Variants in PITPNC1 observed in about 807,000 individuals in gnomAD.
PITPNC1 encodes cytoplasmic phosphatidylinositol transfer protein 1.
PITPNC1 carries 18 observed loss-of-function variants against 44.7 expected under a neutral mutation model. That is an observed-to-expected ratio of 0.40 (90% CI 0.28 to 0.60). PITPNC1 has a LOEUF of 0.60. PITPNC1 is among the 20% of genes least tolerant of loss of function. The pLI is 0.39. For synonymous variants in PITPNC1, 141 were observed against 149.6 expected (o/e 0.94, Z 0.42); for missense variants, 290 against 418.4 (o/e 0.69, Z 2.68).
intron 8 of PITPNC1, among the ~76,000 whole-genome samples, chr17:67,684,618 A>C (rs1225312081): frequency 6.6e-6 from 1 of 152,094 alleles, no homozygotes; most frequent in Non-Finnish European, 1.5e-5. Flanking sequence ...TTTTCTGACT[A>C]AATTGATTTC....
intron 5 of PITPNC1, among the ~76,000 whole-genome samples, chr17:67,621,818 CA>C (rs1369660724): frequency 6.6e-6 from 1 of 152,012 alleles, no homozygotes; most frequent in South Asian, 2.1e-4. Flanking sequence ...GAATAGAGAC[CA>C]AAAATGGTTC....
intron 2 of PITPNC1, among the ~76,000 whole-genome samples, chr17:67,549,241 G>A (rs2040725231): frequency 6.6e-6 from 1 of 152,114 alleles, no homozygotes; most frequent in Non-Finnish European, 1.5e-5. Flanking sequence ...ATCACCTGAG[G>A]TCAGGAGTTC....
chr17:67,669,568 G>C lies in PITPNC1; in HGVS notation c.523G>C (p.Asp175His). The C allele has an allele frequency of 6.2e-7, 1 of 1,608,234 alleles. No homozygotes were observed. Among genetic ancestry groups the C allele is most frequent in the Middle Eastern group, 1.7e-4 (1 of 6,016 alleles). ...GRGQLREGWRDSHQPIMCSYK... is the reference protein window; with the variant it reads ...GRGQLREGWRHSHQPIMCSYK... Reference sequence around the variant, plus strand: ...GGGACAGTTGAGGGAAGGCTGGAGAGATAGTCATCAGCCTATCATGTGCTC... The same window carrying C: ...GGGACAGTTGAGGGAAGGCTGGAGACATAGTCATCAGCCTATCATGTGCTC... The change falls in exon 7 of 9, where the codon GAT becomes CAT. Residue 175 changes from aspartate (D) to histidine (H), a missense_variant. Transcript: ENST00000581322.
At chr17:67,521,934 C>A (rs1018820302) in intron 1 of PITPNC1, among the ~76,000 whole-genome samples, 6 of 152,102 alleles carry the variant, frequency 3.9e-5, no homozygotes, top group African/African-American at 1.4e-4. Context: ...TCTTTGTCTG[C>A]AACATTGGGC....
chr17:67,407,595 G>T (rs897567098), intron 1 of PITPNC1, among the ~76,000 whole-genome samples: 3 of 152,054 alleles, frequency 2.0e-5, no homozygotes, highest in Non-Finnish European at 4.4e-5. Flanking sequence ...CTGAGGTCAG[G>T]AGTTTGAGAC....
intron 4 of PITPNC1, among the ~76,000 whole-genome samples, chr17:67,575,411 C>T (rs1307701497): frequency 6.6e-6 from 1 of 152,194 alleles, no homozygotes; most frequent in Non-Finnish European, 1.5e-5. Flanking sequence ...GGGCCTTGTT[C>T]TCCATAAAGG....
chr17:67,435,673 G>A (rs1331404723), intron 1 of PITPNC1, among the ~76,000 whole-genome samples: 1 of 152,182 alleles, frequency 6.6e-6, no homozygotes, highest in African/African-American at 2.4e-5. Flanking sequence ...CCAACATGGT[G>A]AAACCCCATC....
chr17:67,689,031 C>T (rs1014567468), intron 8 of PITPNC1, among the ~76,000 whole-genome samples: 16 of 152,058 alleles, frequency 1.1e-4, no homozygotes, highest in Non-Finnish European at 2.1e-4. Flanking sequence ...GAAGAAACCC[C>T]GTCTCTACTA....
chr17:67,510,017 G>A (rs1250417408), intron 1 of PITPNC1, among the ~76,000 whole-genome samples: 2 of 152,230 alleles, frequency 1.3e-5, no homozygotes, highest in Non-Finnish European at 2.9e-5. Flanking sequence ...TTATGCAGAG[G>A]TTTGGGAATT....
At chr17:67,407,063 G>C (rs1184296494) in intron 1 of PITPNC1, among the ~76,000 whole-genome samples, 1 of 152,216 alleles carries the variant, frequency 6.6e-6, no homozygotes, top group Non-Finnish European at 1.5e-5. Context: ...GTAATTTTAT[G>C]TTTAGGTTTT....
intron 1 of PITPNC1, among the ~76,000 whole-genome samples, chr17:67,412,353 T>G (rs1460736261): frequency 6.6e-6 from 1 of 152,144 alleles, no homozygotes; most frequent in Non-Finnish European, 1.5e-5. Flanking sequence ...AACTAGGTGC[T>G]GATGGCACAA....
intron 5 of PITPNC1, among the ~76,000 whole-genome samples, chr17:67,607,983 G>T (rs912142251): frequency 9.2e-5 from 14 of 151,896 alleles, no homozygotes; most frequent in Non-Finnish European, 1.8e-4. Context: ...ACCCACCTCG[G>T]CCTCCCAAAT....
intron 1 of PITPNC1, among the ~76,000 whole-genome samples, chr17:67,383,261 T>A (rs2037991447): frequency 6.6e-6 from 1 of 152,174 alleles, no homozygotes; most frequent in Non-Finnish European, 1.5e-5. Context: ...CATTTTATAA[T>A]GAAGTCTAGA....
At chr17:67,616,468 C>G (rs1259035275) in intron 5 of PITPNC1, among the ~76,000 whole-genome samples, 2 of 152,146 alleles carry the variant, frequency 1.3e-5, no homozygotes, top group Non-Finnish European at 2.9e-5. Context: ...TTACCATGAT[C>G]TAGGGCACCT....
chr17:67,524,665 A>G (rs1199596407), intron 1 of PITPNC1: 3 of 151,826 alleles, frequency 2.0e-5, no homozygotes, highest in Non-Finnish European at 2.9e-5. Context: ...GCAGTACTTG[A>G]TCTTTATTTA....
chr17:67,634,640 T>C (rs1046110932), intron 6 of PITPNC1, among the ~76,000 whole-genome samples: 2 of 151,698 alleles, frequency 1.3e-5, no homozygotes, highest in Non-Finnish European at 2.9e-5. Flanking sequence ...AGTAGAGAAA[T>C]AGTCACACAG....
intron 6 of PITPNC1, among the ~76,000 whole-genome samples, chr17:67,648,107 C>T (rs928345179): frequency 8.5e-5 from 13 of 152,260 alleles, no homozygotes; most frequent in African/African-American, 2.4e-4. Context: ...GGTTTCTGTT[C>T]GACAAGTTGG....
At chr17:67,408,159 G>T (rs2038429508) in intron 1 of PITPNC1, among the ~76,000 whole-genome samples, 1 of 151,748 alleles carries the variant, frequency 6.6e-6, no homozygotes, top group South Asian at 2.1e-4. Context: ...TTACCATGTT[G>T]CCCAGGCTGG....
chr17:67,552,607 G>T (rs553488236), intron 3 of PITPNC1, among the ~76,000 whole-genome samples: 1 of 151,990 alleles, frequency 6.6e-6, no homozygotes, highest in East Asian at 1.9e-4. Context: ...AGGGCCAGGC[G>T]CAGTGGCTCA....
Sources: gnomAD v4.1 joint callset for allele counts (sites outside exome capture counted in the v4.1 genomes callset) on GRCh38, gnomAD v4.1.1 for gene constraint, MANE v1.5 for transcripts, NCBI Gene and HGNC (gene_info 2026-07-23, HGNC 2026-07-21) for gene names.